The following TMEFF2 variants were observed in gnomAD, a reference collection of about 807,000 sequenced individuals.
The protein encoded by TMEFF2 is transmembrane protein with EGF like and two follistatin like domains 2.
In TMEFF2, 28 loss-of-function variants were observed where a neutral mutation model predicts 53.8. That is an observed-to-expected ratio of 0.52 (90% CI 0.39 to 0.71). TMEFF2 has a LOEUF of 0.71. Ranked by LOEUF, TMEFF2 falls within the 30% of genes least tolerant of loss-of-function variation. TMEFF2 has a pLI of 0.00. For missense variants in TMEFF2, 353 were observed against 455.2 expected (o/e 0.78, Z 2.04); for synonymous variants, 162 against 166.3 (o/e 0.97, Z 0.20).
At chr2:192,104,467 G>A (rs1359857532) in intron 4 of TMEFF2, among the ~76,000 whole-genome samples, 1 of 152,002 alleles carries the variant, frequency 6.6e-6, no homozygotes, top group Non-Finnish European at 1.5e-5. Context: ...TCATTACATT[G>A]TATACTCCAG....
intron 5 of TMEFF2, among the ~76,000 whole-genome samples, chr2:192,009,671 A>G (rs1686581210): frequency 6.6e-6 from 1 of 152,098 alleles, no homozygotes; most frequent in Non-Finnish European, 1.5e-5. Context: ...TATTTGAATG[A>G]AGACAAATAT....
At chr2:192,004,323 T>C (rs1291801544) in intron 5 of TMEFF2, among the ~76,000 whole-genome samples, 1 of 152,196 alleles carries the variant, frequency 6.6e-6, no homozygotes, top group African/African-American at 2.4e-5. Context: ...CTTGATGGCA[T>C]CAAAGTCCAA....
chr2:192,037,269 A>AAAATAAAT (rs199924177), intron 5 of TMEFF2: 1 of 72,538 alleles, frequency 1.4e-5, no homozygotes, highest in African/African-American at 5.1e-5. Flanking sequence ...AAGACTAGCC[A>AAAATAAAT]AAATAAAGAA....
chr2:192,164,400 A>G (rs1440500147), intron 4 of TMEFF2, among the ~76,000 whole-genome samples: 1 of 152,108 alleles, frequency 6.6e-6, no homozygotes, highest in Non-Finnish European at 1.5e-5. Context: ...CACAAAACCT[A>G]GTAACTTTGC....
At chr2:192,127,273 T>A (rs1482177017) in intron 4 of TMEFF2, among the ~76,000 whole-genome samples, 8 of 152,194 alleles carry the variant, frequency 5.3e-5, no homozygotes, top group Non-Finnish European at 1.2e-4. Flanking sequence ...ATTTTGTAAA[T>A]GCTCACAGAA....
chr2:192,172,345 T>A (rs1200811619), intron 4 of TMEFF2, among the ~76,000 whole-genome samples: 1 of 151,884 alleles, frequency 6.6e-6, no homozygotes, highest in East Asian at 1.9e-4. Context: ...CTTTCCTGCA[T>A]ACCATGCCAG....
At chr2:192,135,832 C>T (rs1689991220) in intron 4 of TMEFF2, among the ~76,000 whole-genome samples, 1 of 151,786 alleles carries the variant, frequency 6.6e-6, no homozygotes, top group South Asian at 2.1e-4. Context: ...TTTGTTCCTG[C>T]CCCACCTTAA....
intron 4 of TMEFF2, chr2:192,176,726 A>G (rs1465072803): frequency 3.3e-5 from 5 of 151,246 alleles, no homozygotes; most frequent in Non-Finnish European, 7.4e-5. Context: ...TCTCAAATGC[A>G]GTAAATGACA....
chr2:192,173,468 C>T (rs921006895), intron 4 of TMEFF2, among the ~76,000 whole-genome samples: 18 of 151,630 alleles, frequency 1.2e-4, no homozygotes, highest in Non-Finnish European at 1.0e-4. Context: ...AAAGTTTAAT[C>T]CCCTAAGAAA....
At position 192,046,981 on chromosome 2, in the gene TMEFF2, C is replaced by T. The variant is rs750474233; in HGVS notation, c.536+10698G>A. ...TGTCACCCAGGCTGGAGTGCAGTGG[C>T]GTGATCTTGGCTCACTGCAGCCTCT... On this transcript the variant is annotated intron_variant, in intron 5 of 9. Transcript: ENST00000272771. Among the ~76,000 whole-genome samples the T allele has an allele frequency of 2.6e-5, 4 of 151,352 alleles. No homozygotes were observed. The South Asian group carries it at 6.2e-4, about 24-fold the overall frequency.
chr2:192,177,882 T>G (rs1691089645), intron 4 of TMEFF2: 1 of 151,032 alleles, frequency 6.6e-6, no homozygotes, highest in African/African-American at 2.4e-5. Context: ...TGACTTCATT[T>G]CCATTTGCAT....
chr2:192,180,780 T>C (rs1392079661), intron 3 of TMEFF2, among the ~76,000 whole-genome samples: 3 of 151,762 alleles, frequency 2.0e-5, no homozygotes, highest in East Asian at 3.9e-4. Context: ...GGCTGACAAA[T>C]ATGGAAGAAG....
intron 5 of TMEFF2, among the ~76,000 whole-genome samples, chr2:192,037,389 A>C (rs1246590095): frequency 2.6e-5 from 4 of 151,824 alleles, no homozygotes; most frequent in Non-Finnish European, 5.9e-5. Flanking sequence ...CTTTCTATTA[A>C]ATTAATGAAT....
In TMEFF2 at chr2:192,176,410, T is replaced by G. The variant is rs942799404; in HGVS notation, c.439+3258A>C. Reference sequence around the variant, plus strand: ...AAATTATCTTTTGTATTAATGAGTTTTCTTAAACACTAAAAGAAGAGGATA... The same window carrying G: ...AAATTATCTTTTGTATTAATGAGTTGTCTTAAACACTAAAAGAAGAGGATA... On this transcript the variant is annotated intron_variant, in intron 4 of 9. Transcript: ENST00000272771. Among the ~76,000 whole-genome samples the G allele has an allele frequency of 2.8e-4, 43 of 151,526 alleles. 1 individual carries two copies. The East Asian group carries it at 3.5e-3, about 12-fold the overall frequency.
intron 4 of TMEFF2, among the ~76,000 whole-genome samples, chr2:192,174,502 T>C (rs1690989098): frequency 6.6e-6 from 1 of 151,680 alleles, no homozygotes; most frequent in African/African-American, 2.4e-5. Flanking sequence ...ATTACTCCAT[T>C]GCTATACTGT....
Position 191,949,152 on chromosome 2 carries a change from A to G in TMEFF2, c.*1159T>C, listed in dbSNP as rs1224417135. 2.0e-6 allele frequency: 2 copies of G among 985,168 alleles called. No individual in the cohort carries two copies. Among genetic ancestry groups the G allele is most frequent in the South Asian group, 4.7e-5 (1 of 21,286 alleles). The allele number at this position is 985,168 out of a possible 1,614,324, so 61.0% of individuals were successfully genotyped here. On this transcript the variant is annotated 3_prime_UTR_variant, in exon 10 of 10. Coordinates refer to ENST00000272771, the MANE Select transcript of TMEFF2 (RefSeq NM_016192.4). The stretch of plus-strand genomic sequence containing the variant: ...ATTTATTTTCATCTTATTCCTTGAG[A>G]ATTTTCACAGCTTATTTTTTCCAGA...
At chr2:192,174,798 C>T (rs1174006197) in intron 4 of TMEFF2, among the ~76,000 whole-genome samples, 4 of 151,514 alleles carry the variant, frequency 2.6e-5, no homozygotes, top group South Asian at 2.1e-4. Flanking sequence ...TGAGCCCAAG[C>T]GCTTGGTGGG....
chr2:191,973,376 T>C (rs895196440), intron 7 of TMEFF2, among the ~76,000 whole-genome samples: 1 of 152,108 alleles, frequency 6.6e-6, no homozygotes, highest in African/African-American at 2.4e-5. Context: ...TCCTAACAGG[T>C]ATGTAAGTTT....
Position 192,184,429 on chromosome 2 carries a change from C to T in TMEFF2, c.337G>A (p.Glu113Lys). ...CATGCAGCCTGTCGCAGGTAACACT[C>T]ATTCTGGTAGCTCTCCCCATTGGAG... Reference protein sequence around the residue: ...CGSNGESYQNECYLRQAACKQ... With the variant: ...CGSNGESYQNKCYLRQAACKQ... The change falls in exon 3 of 10, where the codon GAG becomes AAG. Residue 113 changes from glutamate to lysine, a missense_variant. Transcript: ENST00000272771. The T allele has an allele frequency of 1.2e-6, 2 of 1,613,404 alleles. No homozygotes were observed. The highest frequency in any genetic ancestry group is 1.7e-6 in the Non-Finnish European group (2 of 1,179,528).
Sources: gnomAD v4.1 joint callset for allele counts (sites outside exome capture counted in the v4.1 genomes callset) on GRCh38, gnomAD v4.1.1 for gene constraint, MANE v1.5 for transcripts, NCBI Gene and HGNC (gene_info 2026-07-23, HGNC 2026-07-21) for gene names.